The following FBXL4 variants were observed in gnomAD, a reference collection of about 807,000 sequenced individuals.
The protein encoded by FBXL4 is F-box/LRR-repeat protein 4.
Under a neutral mutation model 58.9 loss-of-function variants are expected in FBXL4, and 40 were observed. The ratio of observed to expected loss-of-function variants is 0.68; its 90% confidence interval spans 0.53 to 0.88. The LOEUF (loss-of-function observed/expected upper bound fraction) is 0.88, where lower values mean the gene tolerates loss of function less well. Ranked by LOEUF, FBXL4 falls within the 40% of genes least tolerant of loss-of-function variation. FBXL4 has a pLI of 0.00. For missense variants in FBXL4, 676 were observed against 734.4 expected (o/e 0.92, Z 0.92); for synonymous variants, 263 against 265.5 (o/e 0.99, Z 0.09).
intron 7 of FBXL4, among the ~76,000 whole-genome samples, chr6:98,881,843 A>G (rs866338242): frequency 2.0e-5 from 3 of 152,096 alleles, no homozygotes; most frequent in Non-Finnish European, 4.4e-5. Context: ...AACATTAGAA[A>G]GGGTATATTA....
At chr6:98,918,885 T>C (rs956118063) in intron 4 of FBXL4, among the ~76,000 whole-genome samples, 1 of 152,160 alleles carries the variant, frequency 6.6e-6, no homozygotes, top group Non-Finnish European at 1.5e-5. Context: ...CTCCTTATGA[T>C]GTAATTTGTA....
At chr6:98,897,287 A>G (rs1771442132) in intron 7 of FBXL4, 1 of 985,332 alleles carries the variant, frequency 1.0e-6, no homozygotes. Flanking sequence ...TACCCAAGAA[A>G]AGATAGCTAG....
At chr6:98,909,412 T>C (rs1771943579) in intron 5 of FBXL4, among the ~76,000 whole-genome samples, 1 of 152,168 alleles carries the variant, frequency 6.6e-6, no homozygotes, top group Non-Finnish European at 1.5e-5. Flanking sequence ...TCCTATGCTT[T>C]GGTCACACTG....
chr6:98,887,276 A>G (rs772995379), intron 7 of FBXL4, among the ~76,000 whole-genome samples: 20 of 152,186 alleles, frequency 1.3e-4, no homozygotes, highest in Non-Finnish European at 2.5e-4. Flanking sequence ...CAAAAGAAAC[A>G]AACAAAAAAA....
At chr6:98,877,870 G>C (rs1259993075) in intron 8 of FBXL4, among the ~76,000 whole-genome samples, 1 of 152,088 alleles carries the variant, frequency 6.6e-6, no homozygotes, top group African/African-American at 2.4e-5. Context: ...AAAAGAAATA[G>C]ATAAAATTTG....
At chr6:98,934,686 G>T (rs1221431749) in intron 2 of FBXL4, 76 bp downstream of exon 2, 2 of 152,070 alleles carry the variant, frequency 1.3e-5, no homozygotes, top group African/African-American at 4.8e-5. Context: ...TTCTTCCCCA[G>T]TTAAAACATT....
chr6:98,908,614 A>G (rs1771907076), intron 5 of FBXL4, among the ~76,000 whole-genome samples: 1 of 152,196 alleles, frequency 6.6e-6, no homozygotes. Flanking sequence ...ATCCATAAAA[A>G]TTGTATGAAA....
chr6:98,942,265 G>A (rs1458008767), intron 1 of FBXL4, among the ~76,000 whole-genome samples: 1 of 151,790 alleles, frequency 6.6e-6, no homozygotes, highest in Non-Finnish European at 1.5e-5. Context: ...AAGTAACAGT[G>A]ACCTTATAGT....
At chr6:98,913,419 G>C (rs984324839) in intron 5 of FBXL4, among the ~76,000 whole-genome samples, 9 of 152,080 alleles carry the variant, frequency 5.9e-5, no homozygotes, top group African/African-American at 1.9e-4. Flanking sequence ...TGACCACATA[G>C]TTGGAAGTAA....
chr6:98,922,328 AT>A (rs1158637521), intron 4 of FBXL4, among the ~76,000 whole-genome samples: 1 of 152,262 alleles, frequency 6.6e-6, no homozygotes, highest in Non-Finnish European at 1.5e-5. Flanking sequence ...GAACAAAGAA[AT>A]GCAATCACAT....
At chr6:98,896,942 T>C in intron 7 of FBXL4, 9 of 985,072 alleles carry the variant, frequency 9.1e-6, no homozygotes, top group Non-Finnish European at 1.1e-5. Flanking sequence ...TTAAGAAAAC[T>C]GTAGACTAAT....
intron 8 of FBXL4, among the ~76,000 whole-genome samples, chr6:98,877,885 T>C (rs557525046): frequency 6.6e-6 from 1 of 152,352 alleles, no homozygotes; most frequent in South Asian, 2.1e-4. Context: ...AATTTGTCTC[T>C]TTCCCAATCA....
chr6:98,921,756 T>C (rs550569893), intron 4 of FBXL4, among the ~76,000 whole-genome samples: 2 of 152,294 alleles, frequency 1.3e-5, no homozygotes, highest in African/African-American at 4.8e-5. Flanking sequence ...CTCCCTGCTT[T>C]CTTAATTTCA....
In FBXL4 at chr6:98,926,801, G is replaced by C; in HGVS notation, c.188C>G (p.Ser63Cys). The stretch of plus-strand genomic sequence containing the variant: ...CATACTATTCTCACTTCCATAATGG[G>C]AACTGAAATCCACTACTTCTTTGGC... Reference protein sequence around the residue: ...QYAKEVVDFSSHYGSENSMSY... With the variant: ...QYAKEVVDFSCHYGSENSMSY... The change falls in exon 4 of 10, where the codon TCC becomes TGC. Residue 63 changes from serine to cysteine, a missense_variant. Ser to Cys is a moderately radical substitution (Grantham distance 112). Transcript: ENST00000369244. 6.2e-7 allele frequency: 1 copy of C among 1,614,184 alleles called. No individual in the cohort carries two copies. Among genetic ancestry groups the C allele is most frequent in the South Asian group, 1.1e-5 (1 of 91,080 alleles).
At chr6:98,898,269 G>A (rs7739884) in intron 7 of FBXL4, 381,500 of 982,420 alleles carry the variant, frequency 0.39, 75,419 homozygotes, top group Non-Finnish European at 0.4. Context: ...ATAGAAAGAA[G>A]GCCAATATGC....
Position 98,873,715 on chromosome 6 carries a change from C to G in FBXL4, c.*563G>C, listed in dbSNP as rs1408239145. 2.6e-5 allele frequency: 4 copies of G among 152,182 alleles called. No homozygotes were observed. Among genetic ancestry groups the G allele is most frequent in the Non-Finnish European group, 5.9e-5 (4 of 68,110 alleles). The allele number at this position is 152,182 out of a possible 1,614,324, so 9.4% of individuals were successfully genotyped here. A position where few individuals can be genotyped will look rare whatever the true frequency, so the allele number is the denominator to read the frequency against. On this transcript the variant is annotated 3_prime_UTR_variant, in exon 10 of 10. Transcript: ENST00000369244. ...ATCCTCCTGCCTCCACCTCCTGTGT[C>G]GCTAGGACTACAAGTGTGTGCCACC... is the stretch of plus-strand genomic sequence containing the variant.
intron 7 of FBXL4, among the ~76,000 whole-genome samples, chr6:98,891,002 A>G (rs1023514789): frequency 6.6e-6 from 1 of 152,232 alleles, no homozygotes; most frequent in Non-Finnish European, 1.5e-5. Flanking sequence ...ATGTAGAAAT[A>G]ATCACCATTT....
chr6:98,903,816 C>T (rs1464525836), intron 6 of FBXL4, among the ~76,000 whole-genome samples: 2 of 152,106 alleles, frequency 1.3e-5, no homozygotes, highest in Non-Finnish European at 1.5e-5. Context: ...AATGTCTACA[C>T]ATTAGTTACT....
chr6:98,942,272 T>G (rs1380337654), intron 1 of FBXL4, among the ~76,000 whole-genome samples: 1 of 151,968 alleles, frequency 6.6e-6, no homozygotes, highest in Non-Finnish European at 1.5e-5. Context: ...AGTGACCTTA[T>G]AGTTAAATCT....
Sources: gnomAD v4.1 joint callset for allele counts (sites outside exome capture counted in the v4.1 genomes callset) on GRCh38, gnomAD v4.1.1 for gene constraint, MANE v1.5 for transcripts, NCBI Gene and HGNC (gene_info 2026-07-23, HGNC 2026-07-21) for gene names.